MYH3: variants seen among roughly 807,000 people sequenced by gnomAD.
MYH3 encodes myosin-3.
A neutral mutation model predicts 238.0 loss-of-function variants in MYH3; 130 were observed. That is an observed-to-expected ratio of 0.55 (90% confidence interval 0.47 to 0.63). MYH3 has a LOEUF of 0.63. Ranked by LOEUF, MYH3 falls within the 30% of genes least tolerant of loss-of-function variation. The pLI is 0.00. For synonymous variants in MYH3, 880 were observed against 924.1 expected (o/e 0.95, Z 0.86); for missense variants, 1,853 against 2,374.9 (o/e 0.78, Z 4.57).
intron 36 of MYH3, among the ~76,000 whole-genome samples, chr17:10,631,297 G>C (rs1485740843): frequency 6.6e-6 from 1 of 152,204 alleles, no homozygotes; most frequent in African/African-American, 2.4e-5. Flanking sequence ...GACCCAGGAA[G>C]GGAAAAATGT....
chr17:10,628,663 C>T lies in MYH3; in HGVS notation c.5813G>A (p.Ser1938Asn). 2 of 1,614,198 alleles carry T rather than the reference C, an allele frequency of 1.2e-6. No individual in the cohort carries two copies. Among genetic ancestry groups the T allele is most frequent in the Non-Finnish European group, 8.5e-7 (1 of 1,180,028 alleles). Residue 1938 changes from serine to asparagine, a missense_variant, in exon 41 of 41, where the codon AGT becomes AAT. Around this residue, in one of 3 missense-constraint regions of MYH3, gnomAD observed 1,044 missense variants for 1,192.6 expected, o/e 0.88. Transcript: ENST00000583535. ...FTSSRMVVHESEE is the reference protein window; with the variant it reads ...FTSSRMVVHENEE Reference sequence around the variant, plus strand: ...TCCAGAAGGGCTGGCTCACTCTTCACTCTCGTGGACCACCATCTAGGAAGA... The same window carrying T: ...TCCAGAAGGGCTGGCTCACTCTTCATTCTCGTGGACCACCATCTAGGAAGA...
At chr17:10,671,650 G>T in the MYH3 span, among the ~76,000 whole-genome samples, 48 of 145,434 alleles carry the variant, frequency 3.3e-4, no homozygotes, top group African/African-American at 1.2e-3. Flanking sequence ...TGTGATCTCG[G>T]CTCACTGCAA....
rs1314031975 is a variant in MYH3 at position 10,654,799 on chromosome 17, C to A, written c.204+62G>T. Reference sequence around the variant, plus strand: ...GTGGCTGGGGTTGGGCAGATGCATACCCCAGGCAAGCACAAGGACCAGGTG... The same window carrying A: ...GTGGCTGGGGTTGGGCAGATGCATAACCCAGGCAAGCACAAGGACCAGGTG... On this transcript the variant is annotated intron_variant, in intron 3 of 40. Transcript: ENST00000583535. The surrounding 1 kb of genome is among the most constrained non-coding windows in gnomAD (Gnocchi z 4.5). 6 of 1,525,452 alleles carry A rather than the reference C, an allele frequency of 3.9e-6. No homozygotes were observed. Among genetic ancestry groups the A allele is most frequent in the South Asian group, 2.2e-5 (2 of 89,370 alleles). 94.5% of individuals were successfully genotyped at this position (1,525,452 alleles called of 1,614,324 possible).
chr17:10,635,728 G>A lies in MYH3; in HGVS notation c.3975+7C>T. 1.2e-6 allele frequency: 2 copies of A among 1,613,144 alleles called. No homozygotes were observed. Among genetic ancestry groups the A allele is most frequent in the Non-Finnish European group, 1.7e-6 (2 of 1,179,122 alleles). Reference sequence around the variant, plus strand: ...AAGGGCAAAGAAGTCTTCCTTCAATGGTGTACCTTGTTCTCTTCCTCCAGC... The same window carrying A: ...AAGGGCAAAGAAGTCTTCCTTCAATAGTGTACCTTGTTCTCTTCCTCCAGC... On this transcript the variant is annotated splice_region_variant and intron_variant, in intron 29 of 40. Transcript: ENST00000583535.
intron 28 of MYH3, 109 bp downstream of exon 28, chr17:10,637,700 G>T: frequency 6.9e-7 from 1 of 1,440,064 alleles, no homozygotes; most frequent in Non-Finnish European, 9.7e-7. Flanking sequence ...CTGAAAAGAT[G>T]CTTCCCTAGA....
intron 36 of MYH3, among the ~76,000 whole-genome samples, 172 bp from the exon 37 acceptor site, chr17:10,630,630 A>G (rs376852299): frequency 0.013 from 1,980 of 152,254 alleles, 34 homozygotes; most frequent in South Asian, 0.071. Context: ...CGGGTGGATC[A>G]CCTGAGGTCA....
At position 10,635,734 on chromosome 17, in the gene MYH3, C is replaced by G; in HGVS notation, c.3975+1G>C. On this transcript the variant is annotated splice_donor_variant, in intron 29 of 40. Coordinates refer to ENST00000583535, the MANE Select transcript of MYH3 (RefSeq NM_002470.4). LOFTEE classifies it high-confidence loss of function. ...AAAGAAGTCTTCCTTCAATGGTGTACCTTGTTCTCTTCCTCCAGCTGCCTC... is the reference window on the plus strand; with the variant it reads ...AAAGAAGTCTTCCTTCAATGGTGTAGCTTGTTCTCTTCCTCCAGCTGCCTC... The G allele has an allele frequency of 6.2e-7, 1 of 1,613,628 alleles. No homozygotes were observed. The highest frequency in any genetic ancestry group is 8.5e-7 in the Non-Finnish European group (1 of 1,179,544).
chr17:10,641,350 G>T lies in MYH3; in HGVS notation c.1982C>A (p.Ser661Ter). ...LFRENLNKLM[S>*]NLRTTHPHFV... ...ATGAGGGTGAGTAGTTCTTAAATTT[G>T]ACATCAGCTTGTTCAGGTTTTCCTA... Residue 661 changes from serine (S) to a stop codon, truncating the protein, a stop_gained, in exon 18 of 41, where the codon TCA (serine) becomes TAA (stop). Transcript: ENST00000583535. LOFTEE classifies it high-confidence loss of function. 1 of 1,610,552 alleles carries T rather than the reference G, an allele frequency of 6.2e-7. No individual in the cohort carries two copies. The highest frequency in any genetic ancestry group is 8.5e-7 in the Non-Finnish European group (1 of 1,178,272).
Position 10,633,723 on chromosome 17 carries a change from GAAGT to G in MYH3, c.4523-12_4523-9del, listed in dbSNP as rs763178595. 170 of 1,613,730 alleles carry G rather than the reference GAAGT, an allele frequency of 1.1e-4. No homozygotes were observed. The highest frequency in any genetic ancestry group is 3.1e-4 in the African/African-American group (23 of 74,946). On this transcript the variant is annotated splice_polypyrimidine_tract_variant and intron_variant, in intron 32 of 40. Transcript: ENST00000583535. ...TGAGATCTGCTATCTCCTCTGTAAA[GAAGT>G]AAGTTTCAGTTGCATATGAGCGCCT...
Position 10,630,355 on chromosome 17 carries a change from C to T in MYH3, c.5390G>A (p.Arg1797His), listed in dbSNP as rs138194008. Residue 1797 changes from arginine (R) to histidine (H), a missense_variant, in exon 37 of 41, where the codon CGT becomes CAT. Arg to His is a conservative substitution (Grantham distance 29). Around this residue, in one of 3 missense-constraint regions of MYH3, gnomAD observed 1,044 missense variants for 1,192.6 expected, o/e 0.88. Coordinates refer to ENST00000583535, the MANE Select transcript of MYH3 (RefSeq NM_002470.4). ...CGCCAGCTGCTCGGCCTCATCTAGA[C>T]GATGCTGCAGGTCCTTCACCGTCTG... The part of the protein sequence containing the change: ...LEQTVKDLQH[R>H]LDEAEQLALK... 2.7e-4 allele frequency: 438 copies of T among 1,614,226 alleles called. 2 individuals carry two copies. The African/African-American group carries it at 4.7e-3, about 17-fold the overall frequency.
At chr17:10,635,345 A>T (rs1321268655) in intron 30 of MYH3, 22 bp downstream of exon 30, 2 of 1,613,922 alleles carry the variant, frequency 1.2e-6, no homozygotes, top group Non-Finnish European at 1.7e-6. Context: ...TAGTTCTTCT[A>T]AAAGCAAACA....
the MYH3 span, among the ~76,000 whole-genome samples, chr17:10,668,695 T>C: frequency 2.0e-5 from 3 of 152,200 alleles, no homozygotes; most frequent in Non-Finnish European, 4.4e-5. Flanking sequence ...ATAGGAGTTT[T>C]AGACTGAAAT....
intron 30 of MYH3, 134 bp downstream of exon 30, chr17:10,635,233 G>T: frequency 6.9e-7 from 1 of 1,457,406 alleles, no homozygotes; most frequent in South Asian, 1.2e-5. Flanking sequence ...AATAAAATGT[G>T]CTAACGCCAG....
intron 34 of MYH3, 133 bp downstream of exon 34, chr17:10,632,343 T>C: frequency 9.3e-7 from 1 of 1,074,878 alleles, no homozygotes; most frequent in Non-Finnish European, 1.4e-6. Flanking sequence ...GGTATCAAAC[T>C]CCTGGGCTCA....
chr17:10,669,529 T>C, the MYH3 span, among the ~76,000 whole-genome samples: 1 of 147,838 alleles, frequency 6.8e-6, no homozygotes, highest in Non-Finnish European at 1.5e-5. Context: ...ACCACGCCAT[T>C]GCCCTCCAGT....
rs199803615 is a variant in MYH3, at chr17:10,629,746, G to T, written c.5659-12C>A. On this transcript the variant is annotated splice_polypyrimidine_tract_variant and intron_variant, in intron 39 of 40. Transcript: ENST00000583535. ...TTGGCTTGTTCATCCTAAAACCAAA[G>T]AGCCCAGGCAGGTTATATCAGCACG... 1.2e-6 allele frequency: 2 copies of T among 1,614,118 alleles called. No individual in the cohort carries two copies. The highest frequency in any genetic ancestry group is 1.1e-5 in the South Asian group (1 of 91,086).
chr17:10,645,738 T>C lies in MYH3; in HGVS notation c.1110A>G (p.Arg370=). Residue 370 remains arginine, a synonymous_variant, in exon 12 of 41, where the codon CGA becomes CGG. Transcript: ENST00000583535. ...TGCCATCCGGCTCGGCCTGCTCCTC[T>C]CGCTGCTTCTGCTTGAACTTCATGT... The part of the protein sequence containing the change: ...YGNMKFKQKQ[R]EEQAEPDGTE... 6.2e-7 allele frequency: 1 copy of C among 1,613,450 alleles called. No homozygotes were observed. The highest frequency in any genetic ancestry group is 8.5e-7 in the Non-Finnish European group (1 of 1,180,012).
intron 28 of MYH3, among the ~76,000 whole-genome samples, chr17:10,637,457 T>C (rs73976876): frequency 0.02 from 3,035 of 152,326 alleles, 95 homozygotes; most frequent in African/African-American, 0.068. Context: ...ATATCTGAGT[T>C]AAGAAGTATC....
intron 12 of MYH3, among the ~76,000 whole-genome samples, chr17:10,645,091 G>A (rs1288526525): frequency 6.6e-6 from 1 of 150,782 alleles, no homozygotes; most frequent in East Asian, 2.0e-4. Flanking sequence ...AGGCTGGAGT[G>A]CAGTGGCACG....
Sources: gnomAD v4.1 joint callset for allele counts (sites outside exome capture counted in the v4.1 genomes callset) on GRCh38, gnomAD v4.1.1 for gene constraint, gnomAD v4.1.1 regional missense constraint, Gnocchi (gnomAD v3.1) non-coding constraint, MANE v1.5 for transcripts, NCBI Gene and HGNC (gene_info 2026-07-23, HGNC 2026-07-21) for gene names.